Variants in TMEM94 observed in about 807,000 individuals in gnomAD.
TMEM94 encodes ER Mg2+ ATPase.
A neutral mutation model predicts 158.6 loss-of-function variants in TMEM94; 81 were observed. The observed-to-expected ratio is 0.51, with a 90% confidence interval of 0.43 to 0.61. The LOEUF is 0.61. Among genes scored for constraint, TMEM94 ranks in the 20% least tolerant of loss-of-function variants. The pLI is 0.00. For synonymous variants in TMEM94, 751 were observed against 730.7 expected, an observed-to-expected ratio of 1.03 and a Z score of -0.45; for missense variants, 1,435 against 1,762.0, an observed-to-expected ratio of 0.81 and a Z score of 3.32.
chr17:75,478,946 C>G (rs11871022), intron 2 of TMEM94, among the ~76,000 whole-genome samples: 2 of 152,110 alleles, frequency 1.3e-5, no homozygotes, highest in Non-Finnish European at 2.9e-5. Context: ...AAGGCGACCT[C>G]AGCTTGTGTG....
chr17:75,468,267 A>G (rs779023450), intron 1 of TMEM94, among the ~76,000 whole-genome samples: 62 of 152,218 alleles, frequency 4.1e-4, no homozygotes, highest in Non-Finnish European at 8.1e-4. Context: ...GAATGATGGG[A>G]AAACAGAGAC....
chr17:75,492,406 G>A lies in TMEM94; in HGVS notation c.1597-68G>A. 1 of 1,508,696 alleles carries A rather than the reference G, an allele frequency of 6.6e-7. No individual in the cohort carries two copies. Among genetic ancestry groups the A allele is most frequent in the Middle Eastern group, 1.9e-4 (1 of 5,304 alleles). The allele number at this position is 1,508,696 out of a possible 1,614,324, so 93.5% of individuals were successfully genotyped here. On this transcript the variant is annotated intron_variant, in intron 14 of 31. Transcript: ENST00000314256. This position sits in a 1 kb window ranked among gnomAD's most constrained non-coding sequence, Gnocchi z 4.4. ...GGAGCCCTCCCCAGCCTTGGGAGGTGGGCAGAGCCAGTGCTGGCTTCCCCA... is the reference window on the plus strand; with the variant it reads ...GGAGCCCTCCCCAGCCTTGGGAGGTAGGCAGAGCCAGTGCTGGCTTCCCCA...
intron 6 of TMEM94, 114 bp from the exon 7 acceptor site, chr17:75,488,644 TG>T: frequency 7.9e-7 from 1 of 1,271,076 alleles, no homozygotes; most frequent in Non-Finnish European, 1.1e-6. Flanking sequence ...CAGTGGACTC[TG>T]GGCTAACTGA....
intron 1 of TMEM94, among the ~76,000 whole-genome samples, chr17:75,463,077 T>TAC (rs1218672342): frequency 3.9e-4 from 6 of 15,336 alleles, no homozygotes; most frequent in African/African-American, 3.1e-3. Context: ...TATATATATA[T>TAC]ATACACACAC....
chr17:75,463,414 T>C (rs2050183779), intron 1 of TMEM94, among the ~76,000 whole-genome samples: 1 of 151,766 alleles, frequency 6.6e-6, no homozygotes, highest in South Asian at 2.1e-4. Flanking sequence ...CGTCTTAGTT[T>C]CTCCAACCTG....
chr17:75,490,636 A>G, intron 10 of TMEM94, 66 bp from the exon 11 acceptor site: 1 of 1,453,334 alleles, frequency 6.9e-7, no homozygotes, highest in Non-Finnish European at 9.6e-7. Context: ...CCCCTCTGCC[A>G]GCTTGGAGAG....
At chr17:75,496,661 T>G (rs2052719058) in intron 24 of TMEM94, 69 bp from the exon 25 acceptor site, 5 of 1,516,934 alleles carry the variant, frequency 3.3e-6, no homozygotes, top group Admixed American at 1.7e-5. Flanking sequence ...TTGGCTAAAG[T>G]GTGTCAGCTG....
In TMEM94 at chr17:75,489,339, A is replaced by C. The variant is rs746078894; in HGVS notation, c.838A>C (p.Met280Leu). The C allele has an allele frequency of 2.8e-5, 45 of 1,614,044 alleles. No individual in the cohort carries two copies. In the East Asian group the frequency reaches 9.6e-4, roughly 34 times the overall value. Reference sequence around the variant, plus strand: ...TGAGCGGTTCACAGTGCAGTCGGTGATGCTACACTATGCTGTGCCCGTGGT... The same window carrying C: ...TGAGCGGTTCACAGTGCAGTCGGTGCTGCTACACTATGCTGTGCCCGTGGT... The part of the protein sequence containing the change: ...DNERFTVQSV[M>L]LHYAVPVVLA... The change falls in exon 8 of 32, where the codon ATG becomes CTG. Residue 280 changes from methionine to leucine, a missense_variant. Transcript: ENST00000314256. The surrounding 1 kb of genome is among the most constrained non-coding windows in gnomAD (Gnocchi z 5.0).
chr17:75,474,412 GGGCA>G (rs1172307799), intron 2 of TMEM94, among the ~76,000 whole-genome samples: 53 of 149,618 alleles, frequency 3.5e-4, no homozygotes, highest in African/African-American at 1.2e-3. Context: ...AGGCCAAGGT[GGGCA>G]GATCACCTAA....
At position 75,495,836 on chromosome 17, in the gene TMEM94, G is replaced by A. The variant is rs557808086; in HGVS notation, c.2945-130G>A. On this transcript the variant is annotated intron_variant, in intron 22 of 31. Coordinates refer to ENST00000314256, the MANE Select transcript of TMEM94 (RefSeq NM_014738.6). This position sits in a 1 kb window ranked among gnomAD's most constrained non-coding sequence, Gnocchi z 5.6. Reference sequence around the variant, plus strand: ...CCGATGTTCACATGATCCCGCTGCCGGGGGTGGGATTGTTTCAAAGAGGGG... The same window carrying A: ...CCGATGTTCACATGATCCCGCTGCCAGGGGTGGGATTGTTTCAAAGAGGGG... 3.0e-4 allele frequency: 242 copies of A among 805,606 alleles called. No individual in the cohort carries two copies. The highest frequency in any genetic ancestry group is 8.6e-4 in the Admixed American group (37 of 43,260). The allele number at this position is 805,606 out of a possible 1,614,324, so 49.9% of individuals were successfully genotyped here. A position where few individuals can be genotyped will look rare whatever the true frequency, so the allele number is the denominator to read the frequency against.
Position 75,491,657 on chromosome 17 carries a change from A to T in TMEM94, c.1387-34A>T. ...CCTGCCTCCCCAGGCCATGGGAGCC[A>T]CTGGTCCTAGCCTGTGCTCCTCATT... On this transcript the variant is annotated intron_variant, in intron 13 of 31. Coordinates refer to ENST00000314256, the MANE Select transcript of TMEM94 (RefSeq NM_014738.6). This position sits in a 1 kb window ranked among gnomAD's most constrained non-coding sequence, Gnocchi z 5.1. 1 of 1,604,372 alleles carries T rather than the reference A, an allele frequency of 6.2e-7. No homozygotes were observed. Among genetic ancestry groups the T allele is most frequent in the Non-Finnish European group, 8.5e-7 (1 of 1,172,260 alleles).
chr17:75,491,961 C>G lies in TMEM94; in HGVS notation c.1596+61C>G. 4 of 1,466,882 alleles carry G rather than the reference C, an allele frequency of 2.7e-6. No homozygotes were observed. The South Asian group carries it at 4.8e-5, about 18-fold the overall frequency. 90.9% of individuals were successfully genotyped at this position (1,466,882 alleles called of 1,614,324 possible). A position where few individuals can be genotyped will look rare whatever the true frequency, so the allele number is the denominator to read the frequency against. On this transcript the variant is annotated intron_variant, in intron 14 of 31. Coordinates refer to ENST00000314256, the MANE Select transcript of TMEM94 (RefSeq NM_014738.6). The surrounding 1 kb of genome is among the most constrained non-coding windows in gnomAD (Gnocchi z 5.1). ...TCGGCCACAGGCTGTCCTGGCCTCC[C>G]TGGCCAGCCTGGCCTCACAAGGTCT...
chr17:75,494,986 C>G lies in TMEM94; in HGVS notation c.2680C>G (p.Pro894Ala). The stretch of plus-strand genomic sequence containing the variant: ...TGACATGCCTGGCTCCGAGATCCCC[C>G]CCTCCAGCCCCAGCCACGCAGGCTC... ...NGDMPGSEIP[P>A]SSPSHAGSLH... Residue 894 changes from proline (P) to alanine (A), a missense_variant, in exon 20 of 32, where the codon CCC (proline) becomes GCC (alanine). By Grantham distance (27) the Pro-to-Ala change is conservative. Around this residue, in one of 3 missense-constraint regions of TMEM94, gnomAD observed 1,051 missense variants for 1,254.4 expected, o/e 0.84. Coordinates refer to ENST00000314256, the MANE Select transcript of TMEM94 (RefSeq NM_014738.6). 1.9e-6 allele frequency: 3 copies of G among 1,613,428 alleles called. No individual in the cohort carries two copies. Among genetic ancestry groups the G allele is most frequent in the Non-Finnish European group, 2.5e-6 (3 of 1,180,020 alleles).
chr17:75,467,259 G>A (rs1598317347), intron 1 of TMEM94, among the ~76,000 whole-genome samples: 1 of 151,944 alleles, frequency 6.6e-6, no homozygotes, highest in East Asian at 1.9e-4. Flanking sequence ...ACAGGTGTGA[G>A]CCACCGTACC....
intron 23 of TMEM94, 99 bp downstream of exon 23, chr17:75,496,173 C>G: frequency 6.5e-7 from 1 of 1,546,968 alleles, no homozygotes; most frequent in African/African-American, 1.4e-5. Context: ...CTATAGCCGA[C>G]CTCGCCCTGG....
chr17:75,492,021 C>A lies in TMEM94; in HGVS notation c.1596+121C>A. Reference sequence around the variant, plus strand: ...GGCGTCTCTGCCCTCTGTCCCAGCACCTCCAGGCTAGGCCAGTGGTCCCTG... The same window carrying A: ...GGCGTCTCTGCCCTCTGTCCCAGCAACTCCAGGCTAGGCCAGTGGTCCCTG... On this transcript the variant is annotated intron_variant, in intron 14 of 31. Coordinates refer to ENST00000314256, the MANE Select transcript of TMEM94 (RefSeq NM_014738.6). This position sits in a 1 kb window ranked among gnomAD's most constrained non-coding sequence, Gnocchi z 4.4. The A allele has an allele frequency of 1.9e-6, 2 of 1,065,750 alleles. No individual in the cohort carries two copies. The highest frequency in any genetic ancestry group is 2.7e-6 in the Non-Finnish European group (2 of 732,262). 66.0% of individuals were successfully genotyped at this position (1,065,750 alleles called of 1,614,324 possible).
In TMEM94 at chr17:75,491,201, C is replaced by G; in HGVS notation, c.1233+48C>G. ...GGAGGCAACTGTCATGCCCGCCCTGCTCTCTGGCTGGGCCTGGGCTGCCCA... is the reference window on the plus strand; with the variant it reads ...GGAGGCAACTGTCATGCCCGCCCTGGTCTCTGGCTGGGCCTGGGCTGCCCA... On this transcript the variant is annotated intron_variant, in intron 12 of 31. Coordinates refer to ENST00000314256, the MANE Select transcript of TMEM94 (RefSeq NM_014738.6). The surrounding 1 kb of genome is among the most constrained non-coding windows in gnomAD (Gnocchi z 5.1). 1 of 1,594,784 alleles carries G rather than the reference C, an allele frequency of 6.3e-7. No individual in the cohort carries two copies. The highest frequency in any genetic ancestry group is 8.6e-7 in the Non-Finnish European group (1 of 1,167,670).
intron 11 of TMEM94, 139 bp downstream of exon 11, chr17:75,490,897 AC>A (rs2052112688): frequency 2.1e-6 from 2 of 953,028 alleles, no homozygotes; most frequent in East Asian, 5.0e-5. Context: ...CATAACCTGG[AC>A]CTGTTCCCAT....
chr17:75,493,439 C>T, intron 16 of TMEM94, 52 bp from the exon 17 acceptor site: 1 of 1,562,220 alleles, frequency 6.4e-7, no homozygotes, highest in South Asian at 1.1e-5. Flanking sequence ...CCTGTCAGGT[C>T]AGCGTGAGGG....
Sources: gnomAD v4.1 joint callset for allele counts (sites outside exome capture counted in the v4.1 genomes callset) on GRCh38, gnomAD v4.1.1 for gene constraint, gnomAD v4.1.1 regional missense constraint, Gnocchi (gnomAD v3.1) non-coding constraint, MANE v1.5 for transcripts, NCBI Gene and HGNC (gene_info 2026-07-23, HGNC 2026-07-21) for gene names.